The following ZFPM1 variants were observed in gnomAD, a reference collection of about 807,000 sequenced individuals.
ZFPM1 encodes zinc finger protein ZFPM1.
In ZFPM1, 28 loss-of-function variants were observed where a neutral mutation model predicts 46.3. The observed-to-expected ratio is 0.60, with a 90% CI of 0.45 to 0.83. The LOEUF is 0.83. ZFPM1 is among the 40% of genes least tolerant of loss of function. The pLI is 0.00. For synonymous variants in ZFPM1, 957 were observed against 675.9 expected (o/e 1.42, Z -6.45); for missense variants, 1,878 against 1,432.4 (o/e 1.31, Z -5.02).
In ZFPM1 at chr16:88,514,494, G is replaced by A. The variant is rs555888584; in HGVS notation, c.376G>A (p.Ala126Thr). 3.2e-6 allele frequency: 5 copies of A among 1,563,446 alleles called. No homozygotes were observed. The highest frequency in any genetic ancestry group is 4.3e-6 in the Non-Finnish European group (5 of 1,154,482). Residue 126 changes from alanine (A) to threonine (T), a missense_variant, in exon 4 of 10, where the codon GCC becomes ACC. Transcript: ENST00000319555. ...GTTCCATGGGAGTGTCCAGACCAGA[G>A]CCTCATCCCCCAGGCAGGCGGAGCC... ...GPFHGSVQTR[A>T]SSPRQAEPSP...
chr16:88,493,594 G>A (rs1185983888), intron 3 of ZFPM1, among the ~76,000 whole-genome samples: 3 of 147,294 alleles, frequency 2.0e-5, no homozygotes, highest in Admixed American at 6.7e-5. Context: ...GAGCTGTCCC[G>A]GGGTAGGGAG....
At chr16:88,462,136 C>A (rs1309940271) in intron 1 of ZFPM1, among the ~76,000 whole-genome samples, 1 of 152,132 alleles carries the variant, frequency 6.6e-6, no homozygotes, top group East Asian at 1.9e-4. Context: ...GATAAGCAGG[C>A]CCCTCCCCTC....
At position 88,506,538 on chromosome 16, in the gene ZFPM1, C is replaced by T. The variant is rs55792512; in HGVS notation, c.269-7849C>T. Among the ~76,000 whole-genome samples the T allele has an allele frequency of 7.7e-3, 1,173 of 152,254 alleles. 5 individuals carry two copies. The highest frequency in any genetic ancestry group is 0.03 in the South Asian group (146 of 4,828). On this transcript the variant is annotated intron_variant, in intron 3 of 9. Coordinates refer to ENST00000319555, the MANE Select transcript of ZFPM1 (RefSeq NM_153813.3). Reference sequence around the variant, plus strand: ...CAGGGCAGGTTGTGCACTGAGTGTGCGTCCGCAGAGTGGTGGCCATCACTG... The same window carrying T: ...CAGGGCAGGTTGTGCACTGAGTGTGTGTCCGCAGAGTGGTGGCCATCACTG...
chr16:88,534,744 C>A lies in ZFPM1; in HGVS notation c.2786C>A (p.Pro929Gln). 1 of 998,736 alleles carries A rather than the reference C, an allele frequency of 1.0e-6. No homozygotes were observed. Among genetic ancestry groups the A allele is most frequent in the Non-Finnish European group, 1.2e-6 (1 of 838,650 alleles). 61.9% of individuals were successfully genotyped at this position (998,736 alleles called of 1,614,324 possible). Reference sequence around the variant, plus strand: ...CTCGGCCCGGAGCCCCAGGAGCCGCCGCCCGGCCCGCCCCCGTCCCCGGCC... The same window carrying A: ...CTCGGCCCGGAGCCCCAGGAGCCGCAGCCCGGCCCGCCCCCGTCCCCGGCC... ...DGLGPEPQEP[P>Q]PGPPPSPAAA... Residue 929 changes from proline (P) to glutamine (Q), a missense_variant, in exon 10 of 10, where the codon CCG becomes CAG. Coordinates refer to ENST00000319555, the MANE Select transcript of ZFPM1 (RefSeq NM_153813.3).
At chr16:88,475,707 C>G (rs1908650016) in intron 1 of ZFPM1, among the ~76,000 whole-genome samples, 2 of 152,186 alleles carry the variant, frequency 1.3e-5, no homozygotes, top group African/African-American at 4.8e-5. Context: ...GTGTGGCCAC[C>G]CCGAGGCTCG....
At chr16:88,464,143 C>T (rs1908020271) in intron 1 of ZFPM1, among the ~76,000 whole-genome samples, 1 of 152,190 alleles carries the variant, frequency 6.6e-6, no homozygotes, top group African/African-American at 2.4e-5. Context: ...TGTTTAGGGC[C>T]TGGGTGCCGC....
At chr16:88,488,734 C>T (rs945102086) in intron 2 of ZFPM1, among the ~76,000 whole-genome samples, 9 of 152,166 alleles carry the variant, frequency 5.9e-5, no homozygotes, top group South Asian at 2.1e-4. Flanking sequence ...GGCGACGGCG[C>T]ATGTGCCTGC....
Position 88,533,281 on chromosome 16 carries a change from C to G in ZFPM1, c.1323C>G (p.Ala441=). The G allele has an allele frequency of 7.2e-7, 1 of 1,388,816 alleles. No homozygotes were observed. The highest frequency in any genetic ancestry group is 9.3e-7 in the Non-Finnish European group (1 of 1,077,898). 86.0% of individuals were successfully genotyped at this position (1,388,816 alleles called of 1,614,324 possible). ...KALAEATNGE[A]RAEPLAQNGG... Reference sequence around the variant, plus strand: ...TGGCCGAGGCCACCAACGGAGAGGCCAGAGCGGAGCCTCTGGCCCAGAATG... The same window carrying G: ...TGGCCGAGGCCACCAACGGAGAGGCGAGAGCGGAGCCTCTGGCCCAGAATG... The change falls in exon 10 of 10, where the codon GCC becomes GCG. Residue 441 remains alanine (A), a synonymous_variant. Coordinates refer to ENST00000319555, the MANE Select transcript of ZFPM1 (RefSeq NM_153813.3).
At chr16:88,483,259 TC>T (rs1909044198) in intron 1 of ZFPM1, among the ~76,000 whole-genome samples, 1 of 149,988 alleles carries the variant, frequency 6.7e-6, no homozygotes, top group Non-Finnish European at 1.5e-5. Flanking sequence ...CCCCCATGGC[TC>T]CCCGGTGGCA....
chr16:88,529,077 CA>C (rs1912573915), intron 6 of ZFPM1, among the ~76,000 whole-genome samples: 6 of 152,236 alleles, frequency 3.9e-5, no homozygotes, highest in Admixed American at 3.9e-4. Flanking sequence ...CCCAGGAGTT[CA>C]AGGCCAGACT....
rs931095354 is a variant in ZFPM1, at chr16:88,469,406, T to C, written c.40+15728T>C. Among the ~76,000 whole-genome samples the C allele has an allele frequency of 1.3e-5, 2 of 152,144 alleles. No homozygotes were observed. The highest frequency in any genetic ancestry group is 4.8e-5 in the African/African-American group (2 of 41,430). On this transcript the variant is annotated intron_variant, in intron 1 of 9. Transcript: ENST00000319555. This position sits in a 1 kb window ranked among gnomAD's most constrained non-coding sequence, Gnocchi z 4.3. The stretch of plus-strand genomic sequence containing the variant: ...AGCAAGCCCCTTGCCGGCCTGGGCC[T>C]CAGTTTCCCCTTCCACACCATGAGG...
intron 1 of ZFPM1, among the ~76,000 whole-genome samples, chr16:88,468,370 A>G (rs1908254876): frequency 1.3e-5 from 2 of 152,072 alleles, no homozygotes; most frequent in South Asian, 2.1e-4. Context: ...AAAGCCCCCA[A>G]ATAGCCCTCC....
intron 3 of ZFPM1, among the ~76,000 whole-genome samples, chr16:88,499,477 C>T (rs996415697): frequency 6.6e-6 from 1 of 152,200 alleles, no homozygotes. Flanking sequence ...GGGGTGGGGC[C>T]GGCCCAGCTG....
At position 88,505,707 on chromosome 16, in the gene ZFPM1, C is replaced by T. The variant is rs572285656; in HGVS notation, c.269-8680C>T. Among the ~76,000 whole-genome samples, 10 of 152,242 alleles carry T rather than the reference C, an allele frequency of 6.6e-5. No homozygotes were observed. The East Asian group carries it at 1.5e-3, about 24-fold the overall frequency. On this transcript the variant is annotated intron_variant, in intron 3 of 9. Coordinates refer to ENST00000319555, the MANE Select transcript of ZFPM1 (RefSeq NM_153813.3). ...CAGCTCCCGGGAACGCAGCCCATGC[C>T]GCCTGTCTGCTGACCCCACCCAGGC...
intron 3 of ZFPM1, among the ~76,000 whole-genome samples, chr16:88,506,029 G>A (rs1910639912): frequency 6.6e-6 from 1 of 152,220 alleles, no homozygotes; most frequent in Non-Finnish European, 1.5e-5. Flanking sequence ...CTGGCCTGGG[G>A]TGAGAAGAAA....
chr16:88,528,608 C>T (rs1912533235), intron 6 of ZFPM1, among the ~76,000 whole-genome samples: 1 of 152,236 alleles, frequency 6.6e-6, no homozygotes, highest in African/African-American at 2.4e-5. Context: ...CGTCTGGGGC[C>T]AGGTCACTCC....
At chr16:88,498,298 C>T (rs968208288) in intron 3 of ZFPM1, among the ~76,000 whole-genome samples, 9 of 152,214 alleles carry the variant, frequency 5.9e-5, no homozygotes, top group Admixed American at 2.6e-4. Context: ...CTCGCAGCCA[C>T]GCCCCTTCCC....
intron 3 of ZFPM1, among the ~76,000 whole-genome samples, chr16:88,506,152 A>T (rs1910645195): frequency 6.6e-6 from 1 of 152,096 alleles, no homozygotes; most frequent in African/African-American, 2.4e-5. Flanking sequence ...CATGGCCAGG[A>T]GGCCAACAGG....
chr16:88,474,960 A>G (rs1908607680), intron 1 of ZFPM1, among the ~76,000 whole-genome samples: 1 of 152,228 alleles, frequency 6.6e-6, no homozygotes, highest in Non-Finnish European at 1.5e-5. Context: ...GCCAGTCGCC[A>G]GCTAGATTCC....
Sources: gnomAD v4.1 joint callset for allele counts (sites outside exome capture counted in the v4.1 genomes callset) on GRCh38, gnomAD v4.1.1 for gene constraint, Gnocchi (gnomAD v3.1) non-coding constraint, MANE v1.5 for transcripts, NCBI Gene and HGNC (gene_info 2026-07-23, HGNC 2026-07-21) for gene names.